Variants in NCOA6 observed in about 807,000 individuals in gnomAD.
NCOA6 encodes nuclear receptor coactivator 6, also known as NRC RAP250.
In NCOA6, 49 loss-of-function variants were observed where a neutral mutation model predicts 171.4. That is an observed-to-expected ratio of 0.29 (90% CI 0.23 to 0.36). The LOEUF is 0.36. NCOA6 is among the 10% of genes least tolerant of loss of function. NCOA6 has a pLI of 1.00. For missense variants in NCOA6, 2,248 were observed against 2,554.5 expected (o/e 0.88, Z 2.59); for synonymous variants, 910 against 927.5 (o/e 0.98, Z 0.34).
intron 2 of NCOA6, 37 bp downstream of exon 2, chr20:34,792,413 T>G (rs1057080533): frequency 2.5e-6 from 1 of 396,982 alleles, no homozygotes; most frequent in African/African-American, 2.1e-5. Context: ...AGCATTAAGT[T>G]GGCTTTATTA....
At chr20:34,725,563 G>A (rs748910461) in intron 14 of NCOA6, among the ~76,000 whole-genome samples, 1 of 152,206 alleles carries the variant, frequency 6.6e-6, no homozygotes, top group Non-Finnish European at 1.5e-5. Flanking sequence ...AAGCTTGTGG[G>A]GTAGGTTGAA....
intron 14 of NCOA6, among the ~76,000 whole-genome samples, chr20:34,721,038 C>A (rs1374261494): frequency 6.6e-6 from 1 of 152,066 alleles, no homozygotes; most frequent in Non-Finnish European, 1.5e-5. Flanking sequence ...GTTCCTGGCT[C>A]ACAGCTCCTA....
chr20:34,776,165 G>A, intron 4 of NCOA6, 128 bp downstream of exon 4: 1 of 1,228,598 alleles, frequency 8.1e-7, no homozygotes, highest in Non-Finnish European at 1.1e-6. Context: ...CAAAGTACAA[G>A]TTACATGAGT....
intron 5 of NCOA6, among the ~76,000 whole-genome samples, chr20:34,759,471 T>C (rs528853196): frequency 1.3e-5 from 2 of 152,290 alleles, no homozygotes; most frequent in East Asian, 3.9e-4. Flanking sequence ...TTATTGCAAT[T>C]GTGGTTAACA....
chr20:34,744,730 T>C (rs1025511939), intron 10 of NCOA6, among the ~76,000 whole-genome samples: 1 of 152,234 alleles, frequency 6.6e-6, no homozygotes, highest in Admixed American at 6.5e-5. Context: ...GCCAATAACA[T>C]GGCATTTCTA....
At chr20:34,754,581 C>T (rs1280398016) in intron 8 of NCOA6, 141 bp downstream of exon 8, 3 of 999,620 alleles carry the variant, frequency 3.0e-6, no homozygotes, top group South Asian at 2.0e-5. Flanking sequence ...AAAGTTACTG[C>T]CCTGAAAGAA....
chr20:34,777,639 C>T (rs1298784439), intron 3 of NCOA6, among the ~76,000 whole-genome samples: 1 of 151,862 alleles, frequency 6.6e-6, no homozygotes, highest in Non-Finnish European at 1.5e-5. Flanking sequence ...AACTGGAACC[C>T]TTGCGCACTG....
chr20:34,732,152 T>G (rs1039104644), intron 13 of NCOA6, among the ~76,000 whole-genome samples: 2 of 152,206 alleles, frequency 1.3e-5, no homozygotes, highest in Non-Finnish European at 2.9e-5. Flanking sequence ...AGCATAGGTT[T>G]TGGGTCAGAT....
chr20:34,808,953 C>CAG (rs963921729), intron 1 of NCOA6, among the ~76,000 whole-genome samples: 20 of 152,262 alleles, frequency 1.3e-4, no homozygotes, highest in Admixed American at 5.9e-4. Flanking sequence ...TTCAAGATGA[C>CAG]AGAGAGAGAG....
intron 1 of NCOA6, among the ~76,000 whole-genome samples, chr20:34,818,106 G>GCCTA (rs1188548466): frequency 1.3e-5 from 2 of 152,186 alleles, no homozygotes; most frequent in South Asian, 2.1e-4. Context: ...AAAAACCAGT[G>GCCTA]CCTACCTCAT....
intron 12 of NCOA6, chr20:34,733,034 T>C (rs1051272340): frequency 6.4e-6 from 1 of 156,124 alleles, no homozygotes; most frequent in Non-Finnish European, 1.4e-5. Flanking sequence ...TCCAAAGGAC[T>C]TCCTCACTGA....
Position 34,742,681 on chromosome 20 carries a change from G to A in NCOA6, c.3575C>T (p.Ser1192Phe). Residue 1192 changes from serine to phenylalanine, a missense_variant, in exon 11 of 15, where the codon TCT becomes TTT. Physicochemically the swap from Ser to Phe is radical, Grantham distance 155 (BLOSUM62 -2). This residue lies in a region of NCOA6 where 352 missense variants were observed against 419.1 expected (regional missense o/e 0.84). Transcript: ENST00000359003. ...QQPPVNSLPS[S>F]HGHHFPNVAA... ...CACATTTGGGAAGTGGTGGCCGTGA[G>A]AGCTGGGCAGGGAATTTACAGGGGG... 6.2e-7 allele frequency: 1 copy of A among 1,614,192 alleles called. No homozygotes were observed.
intron 1 of NCOA6, among the ~76,000 whole-genome samples, chr20:34,806,152 T>G (rs942751311): frequency 6.6e-6 from 1 of 152,258 alleles, no homozygotes; most frequent in Admixed American, 6.5e-5. Context: ...TGATTTGCAT[T>G]TCTTGATGAC....
At chr20:34,781,863 C>A (rs891274710) in intron 3 of NCOA6, among the ~76,000 whole-genome samples, 3 of 152,098 alleles carry the variant, frequency 2.0e-5, no homozygotes, top group African/African-American at 7.2e-5. Flanking sequence ...AAATTTGGGT[C>A]TTGAGAATTA....
At chr20:34,809,002 C>G (rs1395368452) in intron 1 of NCOA6, among the ~76,000 whole-genome samples, 1 of 152,194 alleles carries the variant, frequency 6.6e-6, no homozygotes, top group Admixed American at 6.5e-5. Context: ...CTGCCCTTCT[C>G]TGAGATCGTA....
intron 1 of NCOA6, among the ~76,000 whole-genome samples, chr20:34,822,169 C>T (rs890001958): frequency 3.9e-5 from 6 of 152,070 alleles, no homozygotes; most frequent in Non-Finnish European, 2.9e-5. Context: ...CTTCAGTCTA[C>T]CCTCCTTCCA....
chr20:34,805,671 A>G (rs1309104068), intron 1 of NCOA6, among the ~76,000 whole-genome samples: 2 of 150,104 alleles, frequency 1.3e-5, no homozygotes, highest in African/African-American at 4.9e-5. Flanking sequence ...ATCATATGGT[A>G]GTTCTCTTCT....
At chr20:34,799,507 T>C (rs536214195) in intron 1 of NCOA6, among the ~76,000 whole-genome samples, 81 of 152,302 alleles carry the variant, frequency 5.3e-4, no homozygotes, top group Admixed American at 9.2e-4. Flanking sequence ...CAAGCCAGTT[T>C]AACCCAAAGA....
At chr20:34,775,672 C>CAAAAAAAAAAAAAAAAAAAAAAA (rs570763953) in intron 4 of NCOA6, among the ~76,000 whole-genome samples, 1 of 77,570 alleles carries the variant, frequency 1.3e-5, no homozygotes, top group Non-Finnish European at 2.5e-5. Context: ...GACTCTGTCT[C>CAAAAAAAAAAAAAAAAAAAAAAA]AAAAAAAAAA....
Sources: gnomAD v4.1 joint callset for allele counts (sites outside exome capture counted in the v4.1 genomes callset) on GRCh38, gnomAD v4.1.1 for gene constraint, gnomAD v4.1.1 regional missense constraint, MANE v1.5 for transcripts, NCBI Gene and HGNC (gene_info 2026-07-23, HGNC 2026-07-21) for gene names.